The following ELF2 variants were observed in gnomAD, a reference collection of about 807,000 sequenced individuals.
The protein encoded by ELF2 is ETS-related transcription factor Elf-2.
A neutral mutation model predicts 54.8 loss-of-function variants in ELF2; 11 were observed. That is an observed-to-expected ratio of 0.20 (90% CI 0.13 to 0.33). ELF2 has a LOEUF of 0.33. Ranked by LOEUF, ELF2 falls within the 10% of genes least tolerant of loss-of-function variation. The pLI, the probability that ELF2 is intolerant of heterozygous loss-of-function variation, is 1.00. For synonymous variants in ELF2, 203 were observed against 245.1 expected, an observed-to-expected ratio of 0.83 and a Z score of 1.61; for missense variants, 513 against 703.0, an observed-to-expected ratio of 0.73 and a Z score of 3.06.
At chr4:139,173,835 C>T (rs983303599) in intron 1 of ELF2, among the ~76,000 whole-genome samples, 2 of 151,194 alleles carry the variant, frequency 1.3e-5, no homozygotes, top group African/African-American at 4.9e-5. Flanking sequence ...AGCCTGAAAT[C>T]CCAGCACTTT....
At chr4:139,139,082 G>A (rs1488900213) in intron 2 of ELF2, among the ~76,000 whole-genome samples, 1 of 152,112 alleles carries the variant, frequency 6.6e-6, no homozygotes, top group Non-Finnish European at 1.5e-5. Context: ...CATATCTGAA[G>A]AGAAAGTATA....
At chr4:139,084,039 C>A in intron 4 of ELF2, 1 of 1,596,800 alleles carries the variant, frequency 6.3e-7, no homozygotes, top group Non-Finnish European at 8.5e-7. Flanking sequence ...CACTGTACCC[C>A]CAGCACAGAC....
intron 4 of ELF2, among the ~76,000 whole-genome samples, chr4:139,109,468 G>C (rs1734743961): frequency 6.6e-6 from 1 of 152,120 alleles, no homozygotes; most frequent in Non-Finnish European, 1.5e-5. Flanking sequence ...AGGTGGTCCT[G>C]CTCTAAAGGT....
rs750225650 is a variant in ELF2 at position 139,059,294 on chromosome 4, A to G, written c.1471T>C (p.Leu491=). The change falls in exon 10 of 10, where the codon TTG becomes CTG. Residue 491 remains leucine, a synonymous_variant. Coordinates refer to ENST00000686138, the MANE Select transcript of ELF2 (RefSeq NM_001331036.3). ...SGSINIVGTP[L]AVRALTPVSI... Reference sequence around the variant, plus strand: ...ACAGGGGTAAGTGCTCTCACAGCCAATGGGGTTCCAACAATGTTAATGCTT... The same window carrying G: ...ACAGGGGTAAGTGCTCTCACAGCCAGTGGGGTTCCAACAATGTTAATGCTT... 9.3e-6 allele frequency: 15 copies of G among 1,613,844 alleles called. No homozygotes were observed. The highest frequency in any genetic ancestry group is 4.5e-5 in the East Asian group (2 of 44,900).
chr4:139,114,887 C>T (rs1019245060), intron 4 of ELF2: 8 of 1,608,334 alleles, frequency 5.0e-6, no homozygotes, highest in Non-Finnish European at 6.8e-6. Flanking sequence ...TGGGGGGCAG[C>T]GATTGTCCTG....
chr4:139,074,682 C>T (rs529937552), intron 4 of ELF2, among the ~76,000 whole-genome samples: 1 of 151,600 alleles, frequency 6.6e-6, no homozygotes, highest in African/African-American at 2.4e-5. Flanking sequence ...ATCGCTTGAA[C>T]CTGGGAGGCG....
At chr4:139,099,674 C>G (rs1733671008) in intron 4 of ELF2, among the ~76,000 whole-genome samples, 2 of 152,194 alleles carry the variant, frequency 1.3e-5, no homozygotes, top group Non-Finnish European at 2.9e-5. Context: ...TATACCCAGA[C>G]TGACCCAGGC....
chr4:139,149,909 T>C (rs866006858), intron 1 of ELF2, among the ~76,000 whole-genome samples: 1 of 152,308 alleles, frequency 6.6e-6, no homozygotes, highest in Middle Eastern at 3.4e-3. Flanking sequence ...AAACAATCTA[T>C]GTGGGTCAGG....
intron 4 of ELF2, among the ~76,000 whole-genome samples, chr4:139,104,687 T>C (rs1734247768): frequency 1.3e-5 from 2 of 152,130 alleles, no homozygotes; most frequent in Non-Finnish European, 2.9e-5. Flanking sequence ...GACAGGAAAA[T>C]CTTTCTGATT....
intron 8 of ELF2, 70 bp downstream of exon 8, chr4:139,061,795 T>G: frequency 6.5e-7 from 1 of 1,540,190 alleles, no homozygotes. Flanking sequence ...CAGCTTCTCT[T>G]TAAACAGCTA....
chr4:139,059,888 C>T (rs1431560269), intron 9 of ELF2, among the ~76,000 whole-genome samples: 1 of 151,258 alleles, frequency 6.6e-6, no homozygotes, highest in Admixed American at 6.6e-5. Flanking sequence ...CAGTCTGTCA[C>T]CTAGGCTGGA....
At chr4:139,113,291 AAGGCTCCAGTG>A (rs1735171991) in intron 4 of ELF2, among the ~76,000 whole-genome samples, 1 of 151,586 alleles carries the variant, frequency 6.6e-6, no homozygotes, top group Non-Finnish European at 1.5e-5. Context: ...CGGGACAGTC[AAGGCTCCAGTG>A]AGCCATGATC....
intron 4 of ELF2, among the ~76,000 whole-genome samples, chr4:139,097,386 C>T (rs576775771): frequency 5.9e-5 from 9 of 152,188 alleles, no homozygotes; most frequent in African/African-American, 1.2e-4. Context: ...GAGGCCAAGG[C>T]GGGCAGATCA....
chr4:139,114,569 A>T lies in ELF2; in HGVS notation c.238+10595T>A, dbSNP rs1351064235. Among the ~76,000 whole-genome samples the T allele has an allele frequency of 2.3e-3, 252 of 107,420 alleles. 2 individuals carry two copies. The highest frequency in any genetic ancestry group is 4.0e-3 in the Non-Finnish European group (193 of 47,756). The allele number at this position is 107,420 out of a possible 152,430, so 70.5% of individuals were successfully genotyped here. On this transcript the variant is annotated intron_variant, in intron 4 of 9. Coordinates refer to ENST00000686138, the MANE Select transcript of ELF2 (RefSeq NM_001331036.3). The stretch of plus-strand genomic sequence containing the variant: ...AGAGCGAGACTTCAGTCTCACACAC[A>T]CACACACACACACACACACACACAC...
At chr4:139,092,403 ATAACATAACATACAT>A (rs1389875106) in intron 4 of ELF2, among the ~76,000 whole-genome samples, 5 of 85,288 alleles carry the variant, frequency 5.9e-5, no homozygotes, top group African/African-American at 2.2e-4. Flanking sequence ...ATAACATAAC[ATAACATAACATACAT>A]AACATAACAT....
rs563869408 is a variant in ELF2, at chr4:139,097,479, T to G, written c.239-23912A>C. Among the ~76,000 whole-genome samples the G allele has an allele frequency of 5.9e-5, 9 of 152,224 alleles. No homozygotes were observed. In the East Asian group the frequency reaches 1.7e-3, roughly 29 times the overall value. ...TAAAAATACAAAAATTAGCCGGGTA[T>G]GGTAGCATATGCCCGTAATCCCAGC... On this transcript the variant is annotated intron_variant, in intron 4 of 9. Transcript: ENST00000686138.
At chr4:139,091,895 ATTAT>A (rs1732612915) in intron 4 of ELF2, among the ~76,000 whole-genome samples, 1 of 150,618 alleles carries the variant, frequency 6.6e-6, no homozygotes, top group African/African-American at 2.4e-5. Context: ...GAATATACAT[ATTAT>A]TTATATATAG....
chr4:139,082,665 A>G (rs994960754), intron 4 of ELF2, among the ~76,000 whole-genome samples: 1 of 152,182 alleles, frequency 6.6e-6, no homozygotes, highest in Non-Finnish European at 1.5e-5. Context: ...GCAAACTACT[A>G]ATTTCAAGTC....
In ELF2 at chr4:139,058,859, T is replaced by C. The variant is rs747955101; in HGVS notation, c.*124A>G. On this transcript the variant is annotated 3_prime_UTR_variant, in exon 10 of 10. Transcript: ENST00000686138. ...GGTAATTTATTTCCAGTAAGTCTGA[T>C]TGTTTTTGTATATGCATTAAAAATG... 4.0e-5 allele frequency: 53 copies of C among 1,336,714 alleles called. No homozygotes were observed. The highest frequency in any genetic ancestry group is 1.5e-4 in the African/African-American group (10 of 68,114). The allele number at this position is 1,336,714 out of a possible 1,614,324, so 82.8% of individuals were successfully genotyped here.
Sources: gnomAD v4.1 joint callset for allele counts (sites outside exome capture counted in the v4.1 genomes callset) on GRCh38, gnomAD v4.1.1 for gene constraint, MANE v1.5 for transcripts, NCBI Gene and HGNC (gene_info 2026-07-23, HGNC 2026-07-21) for gene names.